GLDC: variants seen among roughly 807,000 people sequenced by gnomAD.
GLDC encodes the protein glycine dehydrogenase (decarboxylating), mitochondrial.
In GLDC, 104 loss-of-function variants were observed where a neutral mutation model predicts 121.3. That is an observed-to-expected ratio of 0.86 (90% CI 0.73 to 1.01). The LOEUF (loss-of-function observed/expected upper bound fraction) is 1.01. GLDC is among the 50% of genes least tolerant of loss of function. The probability of loss-of-function intolerance (pLI) is 0.00; values close to 1 mark genes in which losing one functional copy is unlikely to be tolerated. For missense variants in GLDC, 1,429 were observed against 1,306.6 expected, an observed-to-expected ratio of 1.09 and a Z score of -1.44; for synonymous variants, 546 against 480.6, an observed-to-expected ratio of 1.14 and a Z score of -1.78.
At chr9:6,588,576 T>A (rs749212080) in intron 13 of GLDC, 42 bp downstream of exon 13, 1 of 1,501,154 alleles carries the variant, frequency 6.7e-7, no homozygotes, top group South Asian at 1.1e-5. Flanking sequence ...GACGTGGGAT[T>A]GGGGTAGCTT....
rs1219941529 is a variant in GLDC, at chr9:6,546,738, G to C, written c.2569+4065C>G. Among the ~76,000 whole-genome samples the C allele has an allele frequency of 4.0e-5, 6 of 151,860 alleles. No individual in the cohort carries two copies. In the East Asian group the frequency reaches 9.7e-4, roughly 25 times the overall value. The stretch of plus-strand genomic sequence containing the variant: ...GCATTTGGGGAGGCCAAGGTGGGAG[G>C]ATCACCTGAGGTCAGGAGTTTGAGA... On this transcript the variant is annotated intron_variant, in intron 21 of 24. Coordinates refer to ENST00000321612, the MANE Select transcript of GLDC (RefSeq NM_000170.3).
chr9:6,636,901 C>T (rs147128066), intron 2 of GLDC, among the ~76,000 whole-genome samples: 148 of 150,868 alleles, frequency 9.8e-4, no homozygotes, highest in African/African-American at 3.4e-3. Context: ...CTGACCAATA[C>T]GGTGAAAGCC....
chr9:6,608,856 C>G (rs1818792572), intron 4 of GLDC, among the ~76,000 whole-genome samples: 1 of 151,886 alleles, frequency 6.6e-6, no homozygotes, highest in Non-Finnish European at 1.5e-5. Flanking sequence ...AGAATAATAA[C>G]CAGAGAGGTG....
Position 6,614,563 on chromosome 9 carries a change from T to TA in GLDC, c.471-4208_471-4207insT, listed in dbSNP as rs1273624010. ...GCCCTGGGTTTCAATCTTTTTTTTTTTTTTTTGTAGGGACAGGGTTTCACT... is the reference window on the plus strand; with the variant it reads ...GCCCTGGGTTTCAATCTTTTTTTTTTATTTTTTGTAGGGACAGGGTTTCACT... On this transcript the variant is annotated intron_variant, in intron 3 of 24. Coordinates refer to ENST00000321612, the MANE Select transcript of GLDC (RefSeq NM_000170.3). Among the ~76,000 whole-genome samples, 286 of 151,784 alleles carry TA rather than the reference T, an allele frequency of 1.9e-3. 3 individuals carry two copies. Among genetic ancestry groups the TA allele is most frequent in the African/African-American group, 6.5e-3 (269 of 41,388 alleles).
chr9:6,579,491 T>A (rs1818134137), intron 15 of GLDC, among the ~76,000 whole-genome samples: 1 of 151,866 alleles, frequency 6.6e-6, no homozygotes, highest in South Asian at 2.1e-4. Context: ...AATTTTGTTT[T>A]CAAGAGTATC....
intron 15 of GLDC, among the ~76,000 whole-genome samples, chr9:6,573,537 A>G (rs1277555057): frequency 1.3e-5 from 2 of 152,088 alleles, no homozygotes; most frequent in Non-Finnish European, 2.9e-5. Flanking sequence ...AAGGGTTATA[A>G]AGCAAAAGAA....
At chr9:6,541,679 T>G (rs952887132) in intron 21 of GLDC, 3 of 151,252 alleles carry the variant, frequency 2.0e-5, no homozygotes, top group African/African-American at 7.3e-5. Context: ...ATTACAAAAA[T>G]TAGCCAGGTG....
At chr9:6,620,114 G>T in intron 3 of GLDC, 70 bp downstream of exon 3, 5 of 1,483,656 alleles carry the variant, frequency 3.4e-6, no homozygotes, top group Non-Finnish European at 3.8e-6. Flanking sequence ...GACTGCAAGG[G>T]GACAGATGGA....
rs1175927038 is a variant in GLDC at position 6,589,403 on chromosome 9, A to G, written c.1483-111T>C. On this transcript the variant is annotated intron_variant, in intron 11 of 24. Transcript: ENST00000321612. ...AAAGCACTCAAAATGGATCAAATAT[A>G]TAATTTTACTTATTTATTTATTTAT... 5 of 523,110 alleles carry G rather than the reference A, an allele frequency of 9.6e-6. No homozygotes were observed. In the African/African-American group the frequency reaches 1.0e-4, roughly 11 times the overall value. The allele number at this position is 523,110 out of a possible 1,614,324, so 32.4% of individuals were successfully genotyped here.
At chr9:6,558,815 G>A (rs1173531713) in intron 16 of GLDC, 131 bp from the exon 17 acceptor site, 1 of 961,966 alleles carries the variant, frequency 1.0e-6, no homozygotes, top group Non-Finnish European at 1.6e-6. Flanking sequence ...GAACACTAGT[G>A]CTTTAAAATC....
At chr9:6,581,366 T>C (rs912849131) in intron 15 of GLDC, among the ~76,000 whole-genome samples, 9 of 152,226 alleles carry the variant, frequency 5.9e-5, no homozygotes, top group African/African-American at 2.2e-4. Flanking sequence ...CTCACTTCCC[T>C]GTCTCACCTC....
At chr9:6,606,995 C>T (rs1036454954) in intron 4 of GLDC, among the ~76,000 whole-genome samples, 3 of 151,602 alleles carry the variant, frequency 2.0e-5, no homozygotes, top group South Asian at 4.2e-4. Context: ...CCAGGGAGGC[C>T]GAGGTTGCAG....
chr9:6,576,592 G>A (rs1001747189), intron 15 of GLDC, among the ~76,000 whole-genome samples: 6 of 151,876 alleles, frequency 4.0e-5, no homozygotes. Flanking sequence ...TCAGCCTCCC[G>A]AGTAGCTGGG....
At chr9:6,621,777 A>T (rs1819101170) in intron 2 of GLDC, among the ~76,000 whole-genome samples, 1 of 152,092 alleles carries the variant, frequency 6.6e-6, no homozygotes. Flanking sequence ...CAGCCTCCCA[A>T]AGTGCTGGGA....
intron 9 of GLDC, 113 bp from the exon 10 acceptor site, chr9:6,593,103 GGAGT>G: frequency 9.0e-7 from 1 of 1,113,036 alleles, no homozygotes. Context: ...TTGGTCCTGG[GGAGT>G]GCTTTGGTGA....
intron 3 of GLDC, among the ~76,000 whole-genome samples, chr9:6,612,114 G>C (rs1818868655): frequency 6.6e-6 from 1 of 151,728 alleles, no homozygotes; most frequent in South Asian, 2.1e-4. Flanking sequence ...TTAGAATCTG[G>C]CAAACTAATT....
chr9:6,609,587 C>T lies in GLDC; in HGVS notation c.635+605G>A, dbSNP rs140549702. Among the ~76,000 whole-genome samples, 132 of 152,148 alleles carry T rather than the reference C, an allele frequency of 8.7e-4. 1 individual carries two copies. Among genetic ancestry groups the T allele is most frequent in the African/African-American group, 3.0e-3 (126 of 41,514 alleles). On this transcript the variant is annotated intron_variant, in intron 4 of 24. Coordinates refer to ENST00000321612, the MANE Select transcript of GLDC (RefSeq NM_000170.3). ...GTGTGTGTTATGGGGGAGATCCTCA[C>T]GTCTGACCCACACCTGCCCTTGAAA...
At position 6,644,792 on chromosome 9, in the gene GLDC, G is replaced by A. The variant is rs533513421; in HGVS notation, c.256-100C>T. 975 of 795,928 alleles carry A rather than the reference G, an allele frequency of 1.2e-3. 12 individuals are homozygous for A. Among genetic ancestry groups the A allele is most frequent in the Non-Finnish European group, 6.8e-4 (307 of 451,566 alleles). 49.3% of individuals were successfully genotyped at this position (795,928 alleles called of 1,614,324 possible). A position where few individuals can be genotyped will look rare whatever the true frequency, so the allele number is the denominator to read the frequency against. ...GCCTTGTGGGAACCTCATTGAAATC[G>A]CCTAATTAGGGTTCTTTTTAAAAGA... On this transcript the variant is annotated intron_variant, in intron 1 of 24. Transcript: ENST00000321612.
chr9:6,639,652 T>G, intron 2 of GLDC: 2 of 369,728 alleles, frequency 5.4e-6, no homozygotes, highest in South Asian at 2.9e-5. Context: ...TATATATCTT[T>G]TCACCATAAA....
Sources: allele counts gnomAD v4.1 joint callset (sites outside exome capture counted in the v4.1 genomes callset), GRCh38; gene constraint gnomAD v4.1.1; transcripts MANE v1.5; gene names NCBI Gene and HGNC (gene_info 2026-07-23, HGNC 2026-07-21).